The following CDH10 variants were observed in gnomAD, a reference collection of about 807,000 sequenced individuals.
CDH10 encodes the protein cadherin 10.
In CDH10, 30 loss-of-function variants were observed where a neutral mutation model predicts 73.1. The ratio of observed to expected loss-of-function variants is 0.41; its 90% CI spans 0.31 to 0.56. The LOEUF (loss-of-function observed/expected upper bound fraction) is 0.56. Ranked by LOEUF, CDH10 falls within the 20% of genes least tolerant of loss-of-function variation. The pLI is 0.27. For missense variants in CDH10, 815 were observed against 973.7 expected (o/e 0.84, Z 2.17); for synonymous variants, 345 against 348.2 (o/e 0.99, Z 0.10).
intron 2 of CDH10, among the ~76,000 whole-genome samples, chr5:24,570,462 T>G (rs1745335973): frequency 6.6e-6 from 1 of 152,044 alleles, no homozygotes; most frequent in African/African-American, 2.4e-5. Context: ...TCTGGTAGGA[T>G]ATTTAAGCTC....
At chr5:24,618,324 G>A (rs973168705) in intron 1 of CDH10, among the ~76,000 whole-genome samples, 1 of 152,254 alleles carries the variant, frequency 6.6e-6, no homozygotes, top group Admixed American at 6.5e-5. Context: ...AAGAGACAAC[G>A]CTGTTGCAGA....
At chr5:24,544,355 A>T (rs565473022) in intron 2 of CDH10, among the ~76,000 whole-genome samples, 22 of 152,246 alleles carry the variant, frequency 1.4e-4, no homozygotes, top group African/African-American at 5.3e-4. Flanking sequence ...AATAGATTAT[A>T]AAAACAACTA....
Position 24,505,155 on chromosome 5 carries a change from T to A in CDH10, c.1350A>T (p.Glu450Asp), listed in dbSNP as rs2111726016. Residue 450 changes from glutamate to aspartate, a missense_variant, in exon 8 of 12, where the codon GAA (glutamate) becomes GAT (aspartate). Glu to Asp is a conservative substitution (Grantham distance 45). This residue lies in a region of CDH10 where 516 missense variants were observed against 636.6 expected (regional missense o/e 0.81). Coordinates refer to ENST00000264463, the MANE Select transcript of CDH10 (RefSeq NM_006727.5). ...SLYTSKPLDRELSQWHNLTVI... is the reference protein window; with the variant it reads ...SLYTSKPLDRDLSQWHNLTVI... Reference sequence around the variant, plus strand: ...CAGTAAGATTATGCCACTGAGATAGTTCACGGTCAAGAGGTTTTGATGTAT... The same window carrying A: ...CAGTAAGATTATGCCACTGAGATAGATCACGGTCAAGAGGTTTTGATGTAT... The A allele has an allele frequency of 6.2e-7, 1 of 1,612,708 alleles. No individual in the cohort carries two copies. The highest frequency in any genetic ancestry group is 8.5e-7 in the Non-Finnish European group (1 of 1,178,882).
intron 5 of CDH10, among the ~76,000 whole-genome samples, chr5:24,522,153 C>A (rs1743356748): frequency 8.8e-6 from 1 of 114,188 alleles, no homozygotes; most frequent in African/African-American, 3.2e-5. Context: ...AAAAAACAAA[C>A]AAAACAAACA....
chr5:24,601,502 T>C (rs1048886951), intron 1 of CDH10, among the ~76,000 whole-genome samples: 1 of 152,098 alleles, frequency 6.6e-6, no homozygotes, highest in African/African-American at 2.4e-5. Flanking sequence ...TGAACACAGA[T>C]AAGACAGACC....
chr5:24,535,700 G>A lies in CDH10; in HGVS notation c.646+3C>T. On this transcript the variant is annotated splice_donor_region_variant and intron_variant, in intron 4 of 11. Coordinates refer to ENST00000264463, the MANE Select transcript of CDH10 (RefSeq NM_006727.5). ...GAACAAACAGCAATTCATGATTCCT[G>A]ACCTGTTTCAGGCTCCACAGAGAAA... is the stretch of plus-strand genomic sequence containing the variant. 6.2e-7 allele frequency: 1 copy of A among 1,606,828 alleles called. No individual in the cohort carries two copies. Among genetic ancestry groups the A allele is most frequent in the African/African-American group, 1.3e-5 (1 of 74,524 alleles).
At chr5:24,543,409 C>A (rs4701448) in intron 2 of CDH10, among the ~76,000 whole-genome samples, 17,029 of 152,186 alleles carry the variant, frequency 0.11, 1,207 homozygotes, top group Admixed American at 0.18. Context: ...AGGATTATAA[C>A]ATTCAGTATC....
At chr5:24,558,663 A>G (rs1579806452) in intron 2 of CDH10, among the ~76,000 whole-genome samples, 2 of 150,366 alleles carry the variant, frequency 1.3e-5, no homozygotes, top group Non-Finnish European at 3.0e-5. Flanking sequence ...CAGTCAAGAA[A>G]TGAAGATATC....
intron 2 of CDH10, among the ~76,000 whole-genome samples, chr5:24,577,911 A>G (rs180820398): frequency 2.6e-5 from 4 of 152,312 alleles, no homozygotes; most frequent in Non-Finnish European, 4.4e-5. Context: ...AATCTACTAA[A>G]TAACTAAATG....
rs748959403 is a variant in CDH10, at chr5:24,487,726, C to T, written c.2304G>A (p.Trp768Ter). 6.2e-7 allele frequency: 1 copy of T among 1,613,420 alleles called. No individual in the cohort carries two copies. Among genetic ancestry groups the T allele is most frequent in the Non-Finnish European group, 8.5e-7 (1 of 1,179,730 alleles). Residue 768 changes from tryptophan to a stop codon, truncating the protein, a stop_gained, in exon 12 of 12, where the codon TGG becomes TGA. Transcript: ENST00000264463. LOFTEE classifies it high-confidence loss of function. The part of the protein sequence containing the change: ...GDQNYDYLRE[W>*]GPRFNKLAEM... ...CTGCTAGCTTATTAAACCGAGGGCCCCATTCTCGGAGGTAATCGTAGTTTT... is the reference window on the plus strand; with the variant it reads ...CTGCTAGCTTATTAAACCGAGGGCCTCATTCTCGGAGGTAATCGTAGTTTT...
At chr5:24,549,637 C>T (rs143036839) in intron 2 of CDH10, among the ~76,000 whole-genome samples, 1,721 of 151,244 alleles carry the variant, frequency 0.011, 35 homozygotes, top group African/African-American at 0.038. Flanking sequence ...CTGCAACCTC[C>T]GCCTCCTGGG....
chr5:24,505,853 C>A (rs544153615), intron 7 of CDH10, among the ~76,000 whole-genome samples: 1 of 152,156 alleles, frequency 6.6e-6, no homozygotes. Flanking sequence ...CAGGGGCTCA[C>A]GCCTGTAATC....
chr5:24,496,971 CA>C (rs1742314817), intron 9 of CDH10, among the ~76,000 whole-genome samples: 2 of 152,166 alleles, frequency 1.3e-5, no homozygotes, highest in South Asian at 2.1e-4. Context: ...GCCAATTCAA[CA>C]AAAAATATTA....
chr5:24,580,022 G>C (rs1745740161), intron 2 of CDH10, among the ~76,000 whole-genome samples: 1 of 152,054 alleles, frequency 6.6e-6, no homozygotes, highest in African/African-American at 2.4e-5. Context: ...GTCTCCAGTT[G>C]CTAAGGCCAA....
At chr5:24,559,006 T>A (rs1744864813) in intron 2 of CDH10, among the ~76,000 whole-genome samples, 1 of 151,910 alleles carries the variant, frequency 6.6e-6, no homozygotes, top group Non-Finnish European at 1.5e-5. Context: ...AAGCAGTTGC[T>A]TGGGGTGATG....
chr5:24,542,396 T>C (rs762168379), intron 2 of CDH10, among the ~76,000 whole-genome samples: 33 of 152,154 alleles, frequency 2.2e-4, no homozygotes, highest in Non-Finnish European at 4.3e-4. Flanking sequence ...TTTATAATAC[T>C]GTATTTTTAT....
At chr5:24,610,561 A>T (rs1006332570) in intron 1 of CDH10, among the ~76,000 whole-genome samples, 1 of 152,182 alleles carries the variant, frequency 6.6e-6, no homozygotes, top group African/African-American at 2.4e-5. Context: ...GCAATGTTAA[A>T]CTGCTCTACC....
intron 2 of CDH10, among the ~76,000 whole-genome samples, chr5:24,567,886 AT>A (rs1195130135): frequency 1.3e-5 from 2 of 152,062 alleles, no homozygotes; most frequent in African/African-American, 4.8e-5. Flanking sequence ...CTATGTATGC[AT>A]TTTTTCTTTC....
At chr5:24,490,653 T>C (rs1207643066) in intron 11 of CDH10, among the ~76,000 whole-genome samples, 1 of 152,128 alleles carries the variant, frequency 6.6e-6, no homozygotes, top group East Asian at 1.9e-4. Flanking sequence ...AACGTGGAAA[T>C]ATTTTTAATC....
Sources: gnomAD v4.1 joint callset for allele counts (sites outside exome capture counted in the v4.1 genomes callset) on GRCh38, gnomAD v4.1.1 for gene constraint, gnomAD v4.1.1 regional missense constraint, MANE v1.5 for transcripts, NCBI Gene and HGNC (gene_info 2026-07-23, HGNC 2026-07-21) for gene names.